The following CHRNB4 variants were observed in gnomAD, a reference collection of about 807,000 sequenced individuals.
CHRNB4 encodes the protein neuronal acetylcholine receptor subunit beta-4.
Under a neutral mutation model 40.4 loss-of-function variants are expected in CHRNB4, and 23 were observed. That is an observed-to-expected ratio of 0.57 (90% CI 0.41 to 0.81). The LOEUF is 0.81. Among genes scored for constraint, CHRNB4 ranks in the 30% least tolerant of loss-of-function variants. The pLI, the probability that CHRNB4 is intolerant of heterozygous loss-of-function variation, is 0.00. For synonymous variants in CHRNB4, 285 were observed against 274.4 expected (o/e 1.04, Z -0.38); for missense variants, 568 against 670.6 (o/e 0.85, Z 1.69).
intron 7 of CHRNB4, among the ~76,000 whole-genome samples, chr15:78,647,212 C>G (rs2054129506): frequency 6.6e-6 from 1 of 152,244 alleles, no homozygotes; most frequent in Middle Eastern, 3.4e-3. Flanking sequence ...AGTATTTAAA[C>G]TTCTATTCAA....
upstream of CHRNB4, among the ~76,000 whole-genome samples, chr15:78,641,728 T>C (rs902242973): frequency 2.0e-5 from 3 of 152,262 alleles, no homozygotes; most frequent in South Asian, 4.1e-4. Context: ...TCAGGGCCCC[T>C]CACCCAGCTT....
At chr15:78,661,025 A>T, upstream of CHRNB4, 1 of 540,220 alleles carries the variant, frequency 1.9e-6, no homozygotes, top group South Asian at 1.5e-5. Context: ...TTTTAATAAG[A>T]GGGTAGGCGC....
intron 7 of CHRNB4, among the ~76,000 whole-genome samples, chr15:78,648,099 G>A (rs192702067): frequency 1.7e-4 from 26 of 151,498 alleles, no homozygotes; most frequent in Non-Finnish European, 7.4e-5. Flanking sequence ...ATAAAAGGGC[G>A]TGGGGGTGGT....
At position 78,647,257 on chromosome 15, in the gene CHRNB4, C is replaced by T. The variant is rs982623882; in HGVS notation, c.46+2122G>A. On this transcript the variant is annotated intron_variant and NMD_transcript_variant, in intron 7 of 11. Coordinates refer to the CHRNB4 transcript ENST00000559849. ...CCACAAATGAAGTTTAAAGAGAAAC[C>T]GTAGATTAGAAGATATTTGCAATTC... Among the ~76,000 whole-genome samples, 22 of 151,728 alleles carry T rather than the reference C, an allele frequency of 1.4e-4. No individual in the cohort carries two copies. In the East Asian group the frequency reaches 1.9e-3, roughly 13 times the overall value.
intron 7 of CHRNB4, among the ~76,000 whole-genome samples, chr15:78,646,450 G>A (rs2054123987): frequency 6.6e-6 from 1 of 152,198 alleles, no homozygotes; most frequent in African/African-American, 2.4e-5. Flanking sequence ...CATTATGACT[G>A]GGGTAGTGTC....
intron 6 of CHRNB4, chr15:78,649,492 TA>T (rs1412983826): frequency 3.4e-5 from 15 of 435,372 alleles, no homozygotes; most frequent in Non-Finnish European, 6.8e-5. Context: ...CAAAACAAAA[TA>T]AAACAATGCA....
intron 7 of CHRNB4, among the ~76,000 whole-genome samples, chr15:78,646,796 G>C (rs1302013424): frequency 2.0e-5 from 3 of 152,154 alleles, no homozygotes; most frequent in Non-Finnish European, 4.4e-5. Flanking sequence ...TAAATTTAGA[G>C]GGGACACAAA....
chr15:78,661,226 G>A (rs552143753), upstream of CHRNB4: 1 of 608,948 alleles, frequency 1.6e-6, no homozygotes, highest in Non-Finnish European at 3.2e-6. Context: ...GGGGAGTCCA[G>A]GGCCAGCTGG....
At chr15:78,642,629 G>A (rs546702326), upstream of CHRNB4, among the ~76,000 whole-genome samples, 1 of 152,312 alleles carries the variant, frequency 6.6e-6, no homozygotes, top group South Asian at 2.1e-4. Context: ...CAGGACAGGA[G>A]CTTGGAAAGG....
intron 1 of CHRNB4, among the ~76,000 whole-genome samples, chr15:78,639,645 T>G (rs2054029507): frequency 6.6e-6 from 1 of 152,208 alleles, no homozygotes; most frequent in South Asian, 2.1e-4. Flanking sequence ...AAGAGCTTAT[T>G]ACATACTATT....
chr15:78,640,998 C>T, intron 1 of CHRNB4, 81 bp downstream of exon 1: 1 of 1,457,852 alleles, frequency 6.9e-7, no homozygotes, highest in East Asian at 2.6e-5. Flanking sequence ...GGGCACCCTC[C>T]CTTCCCTCCC....
At chr15:78,657,783 C>T (rs1037395816) in intron 2 of CHRNB4, among the ~76,000 whole-genome samples, 1 of 151,450 alleles carries the variant, frequency 6.6e-6, no homozygotes, top group Non-Finnish European at 1.5e-5. Flanking sequence ...TGATCTCCTG[C>T]CCTCATGATC....
chr15:78,633,951 G>A (rs1166588917), intron 2 of CHRNB4, among the ~76,000 whole-genome samples: 2 of 151,990 alleles, frequency 1.3e-5, no homozygotes, highest in Non-Finnish European at 2.9e-5. Flanking sequence ...ATGCTGGCGA[G>A]GGAGTGCCTG....
chr15:78,638,962 C>T (rs1044256267), intron 1 of CHRNB4, among the ~76,000 whole-genome samples: 7 of 152,186 alleles, frequency 4.6e-5, no homozygotes, highest in African/African-American at 1.7e-4. Context: ...GTGGGCCCCA[C>T]CAGCCTCTGC....
At chr15:78,632,604 C>A (rs1008958512) in intron 2 of CHRNB4, among the ~76,000 whole-genome samples, 1 of 152,124 alleles carries the variant, frequency 6.6e-6, no homozygotes, top group Admixed American at 6.6e-5. Flanking sequence ...AGCCACCTCA[C>A]CCAGTCTCCT....
At chr15:78,653,202 C>CTCAA (rs2052427941) in intron 5 of CHRNB4, among the ~76,000 whole-genome samples, 1 of 152,150 alleles carries the variant, frequency 6.6e-6, no homozygotes, top group South Asian at 2.1e-4. Context: ...CTGTTGCTTC[C>CTCAA]TCAATCAGTC....
At position 78,629,281 on chromosome 15, in the gene CHRNB4, G is replaced by A. The variant is rs1425351369; in HGVS notation, c.1024C>T (p.Pro342Ser). The change falls in exon 5 of 6, where the codon CCT (proline) becomes TCT (serine). Residue 342 changes from proline to serine, a missense_variant. By Grantham distance (74) the Pro-to-Ser change is moderately conservative. Around this residue, in one of 4 missense-constraint regions of CHRNB4, gnomAD observed 242 missense variants for 274.9 expected, o/e 0.88. Transcript: ENST00000261751. The surrounding 1 kb of genome is among the most constrained non-coding windows in gnomAD (Gnocchi z 6.8). ...GGGCGCTTCATGAAGAGGAAGGTAG[G>A]CAGCTTGTGCAGGAAGCAGCGCTTG... is the stretch of plus-strand genomic sequence containing the variant. ...WVKRCFLHKL[P>S]TFLFMKRPGP... 3.7e-6 allele frequency: 6 copies of A among 1,613,508 alleles called. No individual in the cohort carries two copies. The highest frequency in any genetic ancestry group is 5.1e-6 in the Non-Finnish European group (6 of 1,179,628).
Position 78,624,970 on chromosome 15 carries a change from C to G in CHRNB4, c.*163G>C, listed in dbSNP as rs767409245. 1.9e-6 allele frequency: 3 copies of G among 1,555,396 alleles called. No individual in the cohort carries two copies. In the Admixed American group the frequency reaches 5.6e-5, roughly 29 times the overall value. Reference sequence around the variant, plus strand: ...TCCAAGGCATTCAGAGAGGACAGCCCAGGCCCCCATCCTTGCCTGTTCCAC... The same window carrying G: ...TCCAAGGCATTCAGAGAGGACAGCCGAGGCCCCCATCCTTGCCTGTTCCAC... On this transcript the variant is annotated 3_prime_UTR_variant, in exon 6 of 6. Coordinates refer to ENST00000261751, the MANE Select transcript of CHRNB4 (RefSeq NM_000750.5).
chr15:78,629,333 G>A lies in CHRNB4; in HGVS notation c.972C>T (p.Pro324=). ...VCVLNVHHRS[P]STHTMAPWVK... ...CCCAGGGTGCCATGGTGTGGGTGCT[G>A]GGCGAGCGGTGGTGCACATTGAGCA... Residue 324 remains proline (P), a synonymous_variant, in exon 5 of 6, where the codon CCC becomes CCT. Transcript: ENST00000261751. The surrounding 1 kb of genome is among the most constrained non-coding windows in gnomAD (Gnocchi z 6.8). 7 of 1,614,102 alleles carry A rather than the reference G, an allele frequency of 4.3e-6. No individual in the cohort carries two copies. The highest frequency in any genetic ancestry group is 3.3e-5 in the South Asian group (3 of 91,078).
Sources: allele counts gnomAD v4.1 joint callset (sites outside exome capture counted in the v4.1 genomes callset), GRCh38; gene constraint gnomAD v4.1.1; regional missense constraint gnomAD v4.1.1; non-coding constraint Gnocchi (gnomAD v3.1); transcripts MANE v1.5; gene names NCBI Gene and HGNC (gene_info 2026-07-23, HGNC 2026-07-21).